The following KHDRBS2 variants were observed in gnomAD, a reference collection of about 807,000 sequenced individuals.
KHDRBS2 encodes KH RNA binding domain containing, signal transduction associated 2.
A neutral mutation model predicts 44.3 loss-of-function variants in KHDRBS2; 26 were observed. The observed-to-expected ratio is 0.59, with a 90% CI of 0.43 to 0.81. KHDRBS2 has a LOEUF of 0.81. Among genes scored for constraint, KHDRBS2 ranks in the 40% least tolerant of loss-of-function variants. The probability of loss-of-function intolerance (pLI) is 0.00; values close to 1 mark genes in which losing one functional copy is unlikely to be tolerated. For synonymous variants in KHDRBS2, 194 were observed against 151.1 expected, an observed-to-expected ratio of 1.28 and a Z score of -2.08; for missense variants, 476 against 433.1, an observed-to-expected ratio of 1.10 and a Z score of -0.88.
At chr6:61,741,480 C>A (rs1776127162) in intron 6 of KHDRBS2, among the ~76,000 whole-genome samples, 1 of 151,834 alleles carries the variant, frequency 6.6e-6, no homozygotes, top group African/African-American at 2.4e-5. Context: ...ATAATTTCAA[C>A]TTTTATTCTA....
rs184992882 is a variant in KHDRBS2 at position 62,173,826 on chromosome 6, A to G, written c.219+3359T>C. 5.5e-4 allele frequency among the ~76,000 whole-genome samples: 84 copies of G among 152,198 alleles called. 1 individual carries two copies. Among genetic ancestry groups the G allele is most frequent in the African/African-American group, 1.9e-3 (80 of 41,560 alleles). ...AAATAAAAAACCATATGATCATTTAAATAGACACACAAAATTATTTCAATA... is the reference window on the plus strand; with the variant it reads ...AAATAAAAAACCATATGATCATTTAGATAGACACACAAAATTATTTCAATA... On this transcript the variant is annotated intron_variant, in intron 2 of 8. Coordinates refer to ENST00000281156, the MANE Select transcript of KHDRBS2 (RefSeq NM_152688.4).
rs142068088 is a variant in KHDRBS2 at position 61,683,703 on chromosome 6, G to A, written c.953-2643C>T. 2.0e-3 allele frequency among the ~76,000 whole-genome samples: 304 copies of A among 151,922 alleles called. 2 individuals are homozygous for A. The highest frequency in any genetic ancestry group is 6.9e-3 in the African/African-American group (285 of 41,490). ...CACTATTGAATTCAATGAAGTAATC[G>A]TAGTGCGATCTCATTATTAAAAAGT... is the stretch of plus-strand genomic sequence containing the variant. On this transcript the variant is annotated intron_variant, in intron 8 of 8. Coordinates refer to ENST00000281156, the MANE Select transcript of KHDRBS2 (RefSeq NM_152688.4).
chr6:61,590,470 G>A, the KHDRBS2 span, among the ~76,000 whole-genome samples: 1 of 152,118 alleles, frequency 6.6e-6, no homozygotes, highest in Non-Finnish European at 1.5e-5. Context: ...TATTTTTGGA[G>A]TCAAATAAGT....
chr6:62,072,588 A>C (rs1795403270), intron 2 of KHDRBS2, among the ~76,000 whole-genome samples: 1 of 152,084 alleles, frequency 6.6e-6, no homozygotes, highest in Admixed American at 6.6e-5. Context: ...TTCTGCATCT[A>C]TTGAGATAGT....
the KHDRBS2 span, among the ~76,000 whole-genome samples, chr6:61,545,007 C>A: frequency 6.6e-6 from 1 of 151,912 alleles, no homozygotes; most frequent in Non-Finnish European, 1.5e-5. Context: ...GTGCAGCACA[C>A]CAACATGGCA....
chr6:61,613,212 A>T, the KHDRBS2 span, among the ~76,000 whole-genome samples: 1 of 152,126 alleles, frequency 6.6e-6, no homozygotes, highest in Non-Finnish European at 1.5e-5. Flanking sequence ...CCTATAGAAT[A>T]CAAGGGTCAG....
intron 2 of KHDRBS2, among the ~76,000 whole-genome samples, chr6:62,110,028 G>A (rs1328696384): frequency 6.6e-6 from 1 of 151,852 alleles, no homozygotes; most frequent in Non-Finnish European, 1.5e-5. Flanking sequence ...CTAATACAGT[G>A]ATAAATTGAT....
intron 3 of KHDRBS2, among the ~76,000 whole-genome samples, chr6:61,994,467 A>G (rs1776791077): frequency 6.6e-6 from 1 of 152,186 alleles, no homozygotes; most frequent in Non-Finnish European, 1.5e-5. Context: ...ATCTGGAAAG[A>G]TGGCCTTGAT....
At chr6:61,603,041 C>A in the KHDRBS2 span, among the ~76,000 whole-genome samples, 3 of 152,238 alleles carry the variant, frequency 2.0e-5, no homozygotes, top group East Asian at 1.9e-4. Flanking sequence ...AGATGATGCA[C>A]CCCTTACCAT....
At position 62,232,675 on chromosome 6, in the gene KHDRBS2, C is replaced by G. The variant is rs367660929; in HGVS notation, c.91+53183G>C. ...TAATACTTTATTAAACATATCCCTA[C>G]GTATAGCCAGGTAAACAGATTATTA... On this transcript the variant is annotated intron_variant, in intron 1 of 8. Coordinates refer to ENST00000281156, the MANE Select transcript of KHDRBS2 (RefSeq NM_152688.4). Among the ~76,000 whole-genome samples, 15 of 152,212 alleles carry G rather than the reference C, an allele frequency of 9.9e-5. No individual in the cohort carries two copies. In the East Asian group the frequency reaches 2.7e-3, roughly 27 times the overall value.
chr6:61,955,609 CGTAT>C lies in KHDRBS2; in HGVS notation c.483+22453_483+22456del, dbSNP rs1409685452. ...GTATGTATACATGTGTGTATATACA[CGTAT>C]GTATGTATGCATACATGTGTATATA... On this transcript the variant is annotated intron_variant, in intron 4 of 8. Coordinates refer to ENST00000281156, the MANE Select transcript of KHDRBS2 (RefSeq NM_152688.4). 1.8e-4 allele frequency among the ~76,000 whole-genome samples: 11 copies of C among 61,450 alleles called. 2 individuals are homozygous for C. Among genetic ancestry groups the C allele is most frequent in the African/African-American group, 6.6e-4 (7 of 10,558 alleles). The allele number at this position is 61,450 out of a possible 152,430, so 40.3% of individuals were successfully genotyped here.
intron 2 of KHDRBS2, among the ~76,000 whole-genome samples, chr6:62,073,082 G>T (rs1795559379): frequency 6.6e-6 from 1 of 151,992 alleles, no homozygotes; most frequent in Admixed American, 6.6e-5. Flanking sequence ...GGGTGTATGT[G>T]TCGAGGAATT....
intron 2 of KHDRBS2, among the ~76,000 whole-genome samples, chr6:62,093,182 A>G (rs1355900326): frequency 6.6e-6 from 1 of 151,912 alleles, no homozygotes; most frequent in Non-Finnish European, 1.5e-5. Context: ...AAAACAGGAT[A>G]AAACTAAGAA....
intron 2 of KHDRBS2, among the ~76,000 whole-genome samples, chr6:62,110,355 C>A (rs1216749854): frequency 6.6e-6 from 1 of 151,880 alleles, no homozygotes; most frequent in African/African-American, 2.4e-5. Flanking sequence ...ATATCTGTAC[C>A]CATACAAAGA....
chr6:62,097,835 G>A (rs932828909), intron 2 of KHDRBS2, among the ~76,000 whole-genome samples: 13 of 151,906 alleles, frequency 8.6e-5, no homozygotes, highest in Non-Finnish European at 1.9e-4. Context: ...CCTCCTTTGT[G>A]GTTAGGTGAT....
chr6:61,580,826 C>T, the KHDRBS2 span, among the ~76,000 whole-genome samples: 1 of 152,164 alleles, frequency 6.6e-6, no homozygotes, highest in Non-Finnish European at 1.5e-5. Flanking sequence ...GATGCACCAT[C>T]TTTAAGAGCT....
Position 62,286,167 on chromosome 6 carries a change from C to T in KHDRBS2, c.-219G>A. On this transcript the variant is annotated 5_prime_UTR_variant, in exon 1 of 9. Transcript: ENST00000281156. ...CCTGCCCGTCCCTTCCGTCGTCCCTCGCTCGCGCAGAGCCCCGGCTCACAC... is the reference window on the plus strand; with the variant it reads ...CCTGCCCGTCCCTTCCGTCGTCCCTTGCTCGCGCAGAGCCCCGGCTCACAC... 5.5e-6 allele frequency: 3 copies of T among 548,482 alleles called. No homozygotes were observed. The highest frequency in any genetic ancestry group is 2.3e-5 in the South Asian group (1 of 44,210). The allele number at this position is 548,482 out of a possible 1,614,324, so 34.0% of individuals were successfully genotyped here.
At chr6:61,714,247 A>G (rs1446120280) in intron 7 of KHDRBS2, among the ~76,000 whole-genome samples, 3 of 151,920 alleles carry the variant, frequency 2.0e-5, no homozygotes, top group Non-Finnish European at 4.4e-5. Context: ...GTAAGCAAAC[A>G]CATAAATAGA....
intron 6 of KHDRBS2, among the ~76,000 whole-genome samples, chr6:61,861,005 GC>G (rs1562320643): frequency 6.6e-6 from 1 of 151,916 alleles, no homozygotes; most frequent in Non-Finnish European, 1.5e-5. Flanking sequence ...TTTGTTGTCT[GC>G]ATGTATGTCT....
Sources: allele counts gnomAD v4.1 joint callset (sites outside exome capture counted in the v4.1 genomes callset), GRCh38; gene constraint gnomAD v4.1.1; transcripts MANE v1.5; gene names NCBI Gene and HGNC (gene_info 2026-07-23, HGNC 2026-07-21).